The following ZNF362 variants were observed in gnomAD, a reference collection of about 807,000 sequenced individuals.
The protein encoded by ZNF362 is rotund homolog.
A neutral mutation model predicts 42.9 loss-of-function variants in ZNF362; 11 were observed. The observed-to-expected ratio is 0.26, with a 90% CI of 0.16 to 0.42. ZNF362 has a LOEUF of 0.42. ZNF362 is among the 20% of genes least tolerant of loss of function. The pLI is 1.00. For missense variants in ZNF362, 362 were observed against 576.2 expected (o/e 0.63, Z 3.81); for synonymous variants, 255 against 257.3 (o/e 0.99, Z 0.09).
chr1:33,197,656 G>A, the ZNF362 span, among the ~76,000 whole-genome samples: 5 of 152,074 alleles, frequency 3.3e-5, no homozygotes, highest in African/African-American at 9.7e-5. Flanking sequence ...GCCACAGTAC[G>A]GGGGAGGGAA....
chr1:33,225,330 A>G, the ZNF362 span, among the ~76,000 whole-genome samples: 730 of 152,056 alleles, frequency 4.8e-3, 8 homozygotes, highest in African/African-American at 0.017. Flanking sequence ...TTTATGCATT[A>G]TTACCTTCTG....
chr1:33,282,737 G>A (rs1316594864), intron 6 of ZNF362, among the ~76,000 whole-genome samples: 3 of 151,662 alleles, frequency 2.0e-5, no homozygotes, highest in South Asian at 2.1e-4. Context: ...CAGGAGACTC[G>A]CTTGAACCCA....
rs925565877 is a variant in ZNF362, at chr1:33,299,349, G to GT, written c.*315dup. 2,524 of 130,280 alleles carry GT rather than the reference G, an allele frequency of 0.019. 1 individual carries two copies. The highest frequency in any genetic ancestry group is 0.04 in the Middle Eastern group (16 of 402). 8.1% of individuals were successfully genotyped at this position (130,280 alleles called of 1,614,324 possible). A position where few individuals can be genotyped will look rare whatever the true frequency, so the allele number is the denominator to read the frequency against. ...TTGCTTCACTGTTTTTTTTTTTTTC[G>GT]TTTTTTTTTTTTAAGTTTGTTTTGG... On this transcript the variant is annotated 3_prime_UTR_variant, in exon 9 of 9. Coordinates refer to ENST00000539719, the MANE Select transcript of ZNF362 (RefSeq NM_152493.3).
the ZNF362 span, among the ~76,000 whole-genome samples, chr1:33,128,292 G>T: frequency 6.6e-6 from 1 of 151,800 alleles, no homozygotes; most frequent in Non-Finnish European, 1.5e-5. Flanking sequence ...GAGGAGGATT[G>T]CTTGAGCCTG....
the ZNF362 span, among the ~76,000 whole-genome samples, chr1:33,166,890 G>A: frequency 1.3e-5 from 2 of 152,070 alleles, no homozygotes; most frequent in Non-Finnish European, 2.9e-5. Flanking sequence ...GTTCATCGTG[G>A]GTTTTTTGCA....
intron 1 of ZNF362, among the ~76,000 whole-genome samples, chr1:33,262,297 C>CTTTT (rs55730909): frequency 5.2e-4 from 25 of 48,116 alleles, no homozygotes; most frequent in South Asian, 1.4e-3. Context: ...CTTTAGGATT[C>CTTTT]TTTTTTTTTT....
At chr1:33,207,107 CA>C in the ZNF362 span, among the ~76,000 whole-genome samples, 90 of 152,004 alleles carry the variant, frequency 5.9e-4, no homozygotes, top group African/African-American at 2.1e-3. Context: ...CCCAGCCCCC[CA>C]CTCCCCAACA....
chr1:33,184,577 C>A, the ZNF362 span, among the ~76,000 whole-genome samples: 3 of 152,088 alleles, frequency 2.0e-5, no homozygotes, highest in Non-Finnish European at 4.4e-5. Context: ...CATAGATGTA[C>A]CAGGGACACA....
At chr1:33,164,354 C>T in the ZNF362 span, 1 of 152,332 alleles carries the variant, frequency 6.6e-6, no homozygotes, top group African/African-American at 2.4e-5. Flanking sequence ...CTCCTGCTGA[C>T]AGAGCGGGGT....
At chr1:33,171,135 A>G in the ZNF362 span, among the ~76,000 whole-genome samples, 1 of 152,206 alleles carries the variant, frequency 6.6e-6, no homozygotes, top group Admixed American at 6.5e-5. Flanking sequence ...TGACTGGCCC[A>G]CGGCCACACA....
At chr1:33,187,436 G>A in the ZNF362 span, among the ~76,000 whole-genome samples, 2 of 152,160 alleles carry the variant, frequency 1.3e-5, no homozygotes, top group Non-Finnish European at 2.9e-5. Flanking sequence ...GGAAAGTCAC[G>A]ATTTGTTACA....
the ZNF362 span, among the ~76,000 whole-genome samples, chr1:33,220,508 C>A: frequency 6.6e-6 from 1 of 152,100 alleles, no homozygotes; most frequent in South Asian, 2.1e-4. Context: ...GTCCCCAGTT[C>A]CTTCAAACCC....
the ZNF362 span, among the ~76,000 whole-genome samples, chr1:33,131,526 G>A: frequency 1.3e-5 from 2 of 152,222 alleles, no homozygotes; most frequent in Admixed American, 1.3e-4. Flanking sequence ...CAAAGATGTA[G>A]TTCAAAAGAA....
chr1:33,194,264 G>A, the ZNF362 span, among the ~76,000 whole-genome samples: 1 of 152,054 alleles, frequency 6.6e-6, no homozygotes, highest in African/African-American at 2.4e-5. Context: ...GGCTGGGCAC[G>A]GTGGCTCACA....
At chr1:33,152,334 G>C in the ZNF362 span, among the ~76,000 whole-genome samples, 1 of 152,320 alleles carries the variant, frequency 6.6e-6, no homozygotes, top group Non-Finnish European at 1.5e-5. Context: ...GGGAGGCCGA[G>C]GCAGGCGGAT....
the ZNF362 span, among the ~76,000 whole-genome samples, chr1:33,231,361 A>G: frequency 6.6e-6 from 1 of 152,130 alleles, no homozygotes; most frequent in African/African-American, 2.4e-5. Flanking sequence ...ACATCATCTC[A>G]TTTGTTTTTT....
At chr1:33,170,932 G>C in the ZNF362 span, among the ~76,000 whole-genome samples, 1 of 152,212 alleles carries the variant, frequency 6.6e-6, no homozygotes, top group Non-Finnish European at 1.5e-5. Context: ...CACCCTGGGT[G>C]CTCGGGAGAC....
the ZNF362 span, among the ~76,000 whole-genome samples, chr1:33,212,804 A>G: frequency 6.6e-6 from 1 of 152,220 alleles, no homozygotes. Context: ...CCTCACCTCC[A>G]ACACTGGGAA....
At chr1:33,230,433 G>A in the ZNF362 span, among the ~76,000 whole-genome samples, 1 of 152,142 alleles carries the variant, frequency 6.6e-6, no homozygotes, top group East Asian at 1.9e-4. Context: ...GTTTTACCAA[G>A]GAAAGGAAAA....
Sources: allele counts gnomAD v4.1 joint callset (sites outside exome capture counted in the v4.1 genomes callset), GRCh38; gene constraint gnomAD v4.1.1; transcripts MANE v1.5; gene names NCBI Gene and HGNC (gene_info 2026-07-23, HGNC 2026-07-21).